TWSG1: variants seen among roughly 807,000 people sequenced by gnomAD.
TWSG1 encodes the protein twisted gastrulation protein homolog 1.
Under a neutral mutation model 23.0 loss-of-function variants are expected in TWSG1, and 15 were observed. The observed-to-expected ratio is 0.65, with a 90% CI of 0.44 to 1.00. The LOEUF is 1.00. Ranked by LOEUF, TWSG1 falls within the 50% of genes least tolerant of loss-of-function variation. TWSG1 has a pLI of 0.00. For missense variants in TWSG1, 242 were observed against 278.7 expected (o/e 0.87, Z 0.94); for synonymous variants, 86 against 92.8 (o/e 0.93, Z 0.42).
chr18:9,364,506 A>G (rs1014029675), intron 3 of TWSG1, among the ~76,000 whole-genome samples: 2 of 152,142 alleles, frequency 1.3e-5, no homozygotes, highest in African/African-American at 4.8e-5. Flanking sequence ...TAGAAGCTGT[A>G]AAACAGCCAG....
At chr18:9,337,097 A>T (rs2040426611) in intron 1 of TWSG1, 96 bp from the exon 2 acceptor site, 2 of 1,118,236 alleles carry the variant, frequency 1.8e-6, no homozygotes, top group Non-Finnish European at 2.6e-6. Flanking sequence ...ATATTGACAC[A>T]AACAATGAGT....
intron 3 of TWSG1, among the ~76,000 whole-genome samples, chr18:9,389,309 A>G (rs2040700535): frequency 6.6e-6 from 1 of 152,126 alleles, no homozygotes; most frequent in Admixed American, 6.5e-5. Context: ...GCAGAAGACT[A>G]TATTATGTAT....
chr18:9,359,715 AT>A (rs2040543408), intron 2 of TWSG1, among the ~76,000 whole-genome samples: 1 of 152,202 alleles, frequency 6.6e-6, no homozygotes, highest in Non-Finnish European at 1.5e-5. Flanking sequence ...CAAGTTATGG[AT>A]TATAAAATAA....
intron 3 of TWSG1, among the ~76,000 whole-genome samples, chr18:9,392,374 C>G (rs915063099): frequency 2.0e-5 from 3 of 152,222 alleles, no homozygotes; most frequent in African/African-American, 7.2e-5. Context: ...TTCCTTAAAC[C>G]TCATGAACCA....
intron 3 of TWSG1, among the ~76,000 whole-genome samples, chr18:9,372,882 A>C (rs2040612197): frequency 1.3e-5 from 2 of 152,218 alleles, no homozygotes; most frequent in South Asian, 4.1e-4. Flanking sequence ...AGATAGTAAC[A>C]AATATGATAG....
chr18:9,359,266 A>G (rs1313516174), intron 2 of TWSG1, among the ~76,000 whole-genome samples: 1 of 152,090 alleles, frequency 6.6e-6, no homozygotes, highest in Non-Finnish European at 1.5e-5. Flanking sequence ...TCCTGGCTTC[A>G]CATGGCAGCT....
intron 3 of TWSG1, among the ~76,000 whole-genome samples, chr18:9,363,356 A>C (rs2040561629): frequency 6.6e-6 from 1 of 151,956 alleles, no homozygotes; most frequent in Non-Finnish European, 1.5e-5. Flanking sequence ...ACTTTTCCAA[A>C]TGTGCACAAA....
Position 9,396,514 on chromosome 18 carries a change from A to G in TWSG1, c.458A>G (p.Asn153Ser), listed in dbSNP as rs1598836996. 6.2e-7 allele frequency: 1 copy of G among 1,613,688 alleles called. No individual in the cohort carries two copies. The highest frequency in any genetic ancestry group is 1.3e-5 in the African/African-American group (1 of 75,060). ...CACCAGAATGTGTCTGTCCCCAGCAATAATGTTCACGCGCCTTATTCCAGT... is the reference window on the plus strand; with the variant it reads ...CACCAGAATGTGTCTGTCCCCAGCAGTAATGTTCACGCGCCTTATTCCAGT... ...PHHQNVSVPS[N>S]NVHAPYSSDK... The change falls in exon 4 of 5, where the codon AAT becomes AGT. Residue 153 changes from asparagine (N) to serine (S), a missense_variant. Asn to Ser is a conservative substitution (Grantham distance 46). Coordinates refer to ENST00000262120, the MANE Select transcript of TWSG1 (RefSeq NM_020648.6).
At chr18:9,385,939 CG>C (rs1004198969) in intron 3 of TWSG1, among the ~76,000 whole-genome samples, 5 of 151,500 alleles carry the variant, frequency 3.3e-5, no homozygotes, top group African/African-American at 1.2e-4. Flanking sequence ...GAGGCCAAGG[CG>C]GATGGATCAC....
At chr18:9,371,329 C>T (rs1451848220) in intron 3 of TWSG1, among the ~76,000 whole-genome samples, 1 of 146,718 alleles carries the variant, frequency 6.8e-6, no homozygotes, top group African/African-American at 2.6e-5. Flanking sequence ...TGGAGTCTTG[C>T]CCTGTCGCCC....
intron 3 of TWSG1, among the ~76,000 whole-genome samples, chr18:9,361,472 A>G (rs183780287): frequency 1.3e-5 from 2 of 152,336 alleles, no homozygotes; most frequent in African/African-American, 4.8e-5. Context: ...TGGACAGGGC[A>G]TGGAATGTAG....
At chr18:9,392,539 A>G (rs970513408) in intron 3 of TWSG1, among the ~76,000 whole-genome samples, 7 of 152,216 alleles carry the variant, frequency 4.6e-5, no homozygotes, top group Non-Finnish European at 8.8e-5. Context: ...CATATCAGCA[A>G]TAAGGCTGTT....
Position 9,334,989 on chromosome 18 carries a change from G to C in TWSG1, c.-38+69G>C, listed in dbSNP as rs2040414438. ...TGGTTGGGAAGGGGCCGGGCGCCGA[G>C]CTCGGCCCTCTAGAGGCCCGGGGCC... On this transcript the variant is annotated intron_variant, in intron 1 of 4. Transcript: ENST00000262120. This position sits in a 1 kb window ranked among gnomAD's most constrained non-coding sequence, Gnocchi z 4.7. 6.6e-6 allele frequency: 1 copy of C among 152,222 alleles called. No homozygotes were observed. Among genetic ancestry groups the C allele is most frequent in the African/African-American group, 2.4e-5 (1 of 41,416 alleles). 9.4% of individuals were successfully genotyped at this position (152,222 alleles called of 1,614,324 possible).
intron 3 of TWSG1, among the ~76,000 whole-genome samples, chr18:9,374,178 G>T (rs968470078): frequency 1.3e-5 from 2 of 151,926 alleles, no homozygotes; most frequent in African/African-American, 4.8e-5. Context: ...CAGAAGAAAA[G>T]AAGTAATACA....
At chr18:9,397,912 G>C (rs2040744522) in intron 4 of TWSG1, among the ~76,000 whole-genome samples, 1 of 150,730 alleles carries the variant, frequency 6.6e-6, no homozygotes, top group African/African-American at 2.4e-5. Flanking sequence ...GCTGAAGCAG[G>C]AGAACTGCTT....
intron 3 of TWSG1, among the ~76,000 whole-genome samples, chr18:9,375,489 C>T (rs921626418): frequency 3.9e-5 from 6 of 152,018 alleles, no homozygotes; most frequent in Admixed American, 2.6e-4. Flanking sequence ...TTCTAGCTAA[C>T]ACAATAATAC....
intron 3 of TWSG1, among the ~76,000 whole-genome samples, chr18:9,381,772 GT>G (rs2040657359): frequency 6.6e-6 from 1 of 152,000 alleles, no homozygotes; most frequent in Non-Finnish European, 1.5e-5. Flanking sequence ...TAGTAAAGAG[GT>G]ATATATTTTT....
At chr18:9,398,132 G>A (rs73383469) in intron 4 of TWSG1, among the ~76,000 whole-genome samples, 6,188 of 151,802 alleles carry the variant, frequency 0.041, 419 homozygotes, top group African/African-American at 0.14. Context: ...TTAGGTTAAA[G>A]TACTTTGTAA....
chr18:9,386,459 A>C (rs1226022779), intron 3 of TWSG1, among the ~76,000 whole-genome samples: 2 of 151,966 alleles, frequency 1.3e-5, no homozygotes, highest in African/African-American at 2.4e-5. Context: ...ATCTCAAAAA[A>C]AAAAAAAAAG....
Sources: allele counts gnomAD v4.1 joint callset (sites outside exome capture counted in the v4.1 genomes callset), GRCh38; gene constraint gnomAD v4.1.1; non-coding constraint Gnocchi (gnomAD v3.1); transcripts MANE v1.5; gene names NCBI Gene and HGNC (gene_info 2026-07-23, HGNC 2026-07-21).